BTAF1: variants seen among roughly 807,000 people sequenced by gnomAD.
The protein encoded by BTAF1 is TATA-binding protein-associated factor 172.
In BTAF1, 38 loss-of-function variants were observed where a neutral mutation model predicts 227.1. That is an observed-to-expected ratio of 0.17 (90% CI 0.13 to 0.22). The LOEUF is 0.22. Ranked by LOEUF, BTAF1 falls within the 10% of genes least tolerant of loss-of-function variation. BTAF1 has a pLI of 1.00. For synonymous variants in BTAF1, 742 were observed against 751.9 expected, an observed-to-expected ratio of 0.99 and a Z score of 0.21; for missense variants, 1,598 against 2,204.0, an observed-to-expected ratio of 0.73 and a Z score of 5.51.
At chr10:91,955,284 C>T (rs1317364900) in intron 6 of BTAF1, among the ~76,000 whole-genome samples, 1 of 152,138 alleles carries the variant, frequency 6.6e-6, no homozygotes, top group Non-Finnish European at 1.5e-5. Flanking sequence ...ATGAGTCATT[C>T]ACAAACATTT....
In BTAF1 at chr10:91,992,102, A is replaced by C; in HGVS notation, c.2855-17A>C. ...CAATATTATGATTAAAAGGTTGTTT[A>C]ACTTTTTTCTTATTAGGATCCACCT... On this transcript the variant is annotated splice_polypyrimidine_tract_variant and intron_variant, in intron 20 of 37. Transcript: ENST00000265990. 6.5e-7 allele frequency: 1 copy of C among 1,541,142 alleles called. No individual in the cohort carries two copies. Among genetic ancestry groups the C allele is most frequent in the Non-Finnish European group, 8.8e-7 (1 of 1,141,080 alleles).
intron 1 of BTAF1, among the ~76,000 whole-genome samples, chr10:91,929,992 C>T (rs1844165108): frequency 6.6e-6 from 1 of 152,200 alleles, no homozygotes; most frequent in South Asian, 2.1e-4. Flanking sequence ...TTTTCCATTT[C>T]AATCCCAATG....
chr10:91,962,433 A>C, intron 11 of BTAF1, 105 bp from the exon 12 acceptor site: 1 of 751,706 alleles, frequency 1.3e-6, no homozygotes, highest in Non-Finnish European at 2.1e-6. Flanking sequence ...GCATGACTAT[A>C]AATATTGGAA....
At chr10:91,947,639 A>G (rs1373198012) in intron 4 of BTAF1, among the ~76,000 whole-genome samples, 1 of 150,182 alleles carries the variant, frequency 6.7e-6, no homozygotes, top group Non-Finnish European at 1.5e-5. Flanking sequence ...AAGATGCATG[A>G]GCCTCCAACT....
At chr10:91,985,497 A>G (rs1337001208) in intron 19 of BTAF1, among the ~76,000 whole-genome samples, 1 of 151,992 alleles carries the variant, frequency 6.6e-6, no homozygotes, top group East Asian at 1.9e-4. Flanking sequence ...TCTTGGGTAA[A>G]TATGTAGGAG....
chr10:91,978,117 T>C (rs1847813264), intron 14 of BTAF1, among the ~76,000 whole-genome samples: 1 of 152,208 alleles, frequency 6.6e-6, no homozygotes, highest in Non-Finnish European at 1.5e-5. Flanking sequence ...AATTACAGTA[T>C]CACACAGAAT....
intron 12 of BTAF1, among the ~76,000 whole-genome samples, chr10:91,963,736 A>G (rs1846690888): frequency 6.6e-6 from 1 of 152,256 alleles, no homozygotes; most frequent in East Asian, 1.9e-4. Flanking sequence ...GTAAAATTAC[A>G]TAGAAGAACA....
chr10:91,967,564 T>G (rs1847010422), intron 14 of BTAF1, among the ~76,000 whole-genome samples: 1 of 152,190 alleles, frequency 6.6e-6, no homozygotes, highest in Non-Finnish European at 1.5e-5. Context: ...TTGTGTAGAC[T>G]TGCCTTAGTG....
intron 4 of BTAF1, among the ~76,000 whole-genome samples, chr10:91,949,889 G>A (rs1335506630): frequency 1.3e-5 from 2 of 152,022 alleles, no homozygotes; most frequent in Admixed American, 6.6e-5. Context: ...TAATCCCAGC[G>A]CTTTGGTAGG....
chr10:91,997,647 C>G lies in BTAF1; in HGVS notation c.3556C>G (p.Leu1186Val). The change falls in exon 25 of 38, where the codon CTT (leucine) becomes GTT (valine). Residue 1186 changes from leucine (L) to valine (V), a missense_variant. Leu to Val is a conservative substitution (Grantham distance 32). Around this residue, in one of 10 missense-constraint regions of BTAF1, gnomAD observed 425 missense variants for 491.2 expected, o/e 0.87. Coordinates refer to ENST00000265990, the MANE Select transcript of BTAF1 (RefSeq NM_003972.3). Reference sequence around the variant, plus strand: ...TGTTGGTATTGTTCCATATATTGTCCTTTTAGTTGTTCCTGTATTAGGAAG... The same window carrying G: ...TGTTGGTATTGTTCCATATATTGTCGTTTTAGTTGTTCCTGTATTAGGAAG... ...LDVGIVPYIVLLVVPVLGRMS... is the reference protein window; with the variant it reads ...LDVGIVPYIVVLVVPVLGRMS... 6.2e-7 allele frequency: 1 copy of G among 1,613,730 alleles called. No homozygotes were observed. Among genetic ancestry groups the G allele is most frequent in the South Asian group, 1.1e-5 (1 of 91,078 alleles).
At chr10:91,993,410 TAGGACTATCTCTAGA>T (rs1248335566) in intron 21 of BTAF1, among the ~76,000 whole-genome samples, 2 of 152,182 alleles carry the variant, frequency 1.3e-5, no homozygotes, top group African/African-American at 4.8e-5. Flanking sequence ...AAATGTCACT[TAGGACTATCTCTAGA>T]AACAGCACAT....
At chr10:92,005,575 A>G (rs547087749) in intron 25 of BTAF1, among the ~76,000 whole-genome samples, 1 of 151,974 alleles carries the variant, frequency 6.6e-6, no homozygotes, top group South Asian at 2.1e-4. Context: ...TTTTGTTGCT[A>G]TTGTAAATGG....
Position 91,935,287 on chromosome 10 carries a change from C to T in BTAF1, c.15-370C>T, listed in dbSNP as rs370110658. On this transcript the variant is annotated intron_variant, in intron 1 of 37. Transcript: ENST00000265990. ...TCTCTTCTGGCTATTTGAAAATATACGGTAAATTGTTGTTTAGTCACTCTG... is the reference window on the plus strand; with the variant it reads ...TCTCTTCTGGCTATTTGAAAATATATGGTAAATTGTTGTTTAGTCACTCTG... 2.4e-4 allele frequency: 38 copies of T among 159,214 alleles called. No individual in the cohort carries two copies. In the South Asian group the frequency reaches 6.3e-3, roughly 26 times the overall value. 9.9% of individuals were successfully genotyped at this position (159,214 alleles called of 1,614,324 possible).
chr10:91,949,526 T>C (rs575138751), intron 4 of BTAF1, among the ~76,000 whole-genome samples: 1 of 152,380 alleles, frequency 6.6e-6, no homozygotes, highest in Admixed American at 6.5e-5. Flanking sequence ...TTGTTTTTGC[T>C]TGCTTGTTTT....
intron 25 of BTAF1, among the ~76,000 whole-genome samples, chr10:91,999,507 G>A (rs1849360340): frequency 6.6e-6 from 1 of 152,130 alleles, no homozygotes; most frequent in African/African-American, 2.4e-5. Flanking sequence ...CGATTCTCCT[G>A]CCTCAGCCTC....
chr10:91,934,259 C>T (rs930322666), intron 1 of BTAF1, among the ~76,000 whole-genome samples: 16 of 151,294 alleles, frequency 1.1e-4, no homozygotes, highest in Non-Finnish European at 8.8e-5. Flanking sequence ...TTTTAAGACA[C>T]AGTCTCACTC....
At chr10:91,946,828 T>G (rs924277508) in intron 4 of BTAF1, among the ~76,000 whole-genome samples, 2 of 151,978 alleles carry the variant, frequency 1.3e-5, no homozygotes, top group Non-Finnish European at 2.9e-5. Context: ...TGCATTTCCT[T>G]TTTTTCTTTT....
Position 91,989,586 on chromosome 10 carries a change from T to C in BTAF1, c.2854+6T>C. 6.4e-7 allele frequency: 1 copy of C among 1,565,576 alleles called. No individual in the cohort carries two copies. Among genetic ancestry groups the C allele is most frequent in the Non-Finnish European group, 8.6e-7 (1 of 1,160,820 alleles). ...TGGCCAGGAAAATTCTAAAGGTATA[T>C]ACCTAAACTTTTATTTGGGGTAGAG... On this transcript the variant is annotated splice_donor_region_variant and intron_variant, in intron 20 of 37. Transcript: ENST00000265990.
intron 2 of BTAF1, among the ~76,000 whole-genome samples, chr10:91,936,831 C>A (rs972097497): frequency 1.3e-5 from 2 of 152,154 alleles, no homozygotes; most frequent in Non-Finnish European, 2.9e-5. Flanking sequence ...CTCATCTGTG[C>A]TGAACTGAGA....
Sources: allele counts gnomAD v4.1 joint callset (sites outside exome capture counted in the v4.1 genomes callset), GRCh38; gene constraint gnomAD v4.1.1; regional missense constraint gnomAD v4.1.1; transcripts MANE v1.5; gene names NCBI Gene and HGNC (gene_info 2026-07-23, HGNC 2026-07-21).